The following COP1 variants were observed in gnomAD, a reference collection of about 807,000 sequenced individuals.
COP1 encodes the protein E3 ubiquitin-protein ligase COP1.
A neutral mutation model predicts 101.3 loss-of-function variants in COP1; 24 were observed. That is an observed-to-expected ratio of 0.24 (90% CI 0.17 to 0.33). The LOEUF (loss-of-function observed/expected upper bound fraction) is 0.33. Among genes scored for constraint, COP1 ranks in the 10% least tolerant of loss-of-function variants. The pLI, the probability that COP1 is intolerant of heterozygous loss-of-function variation, is 1.00. For missense variants in COP1, 663 were observed against 906.2 expected (o/e 0.73, Z 3.45); for synonymous variants, 347 against 341.9 (o/e 1.01, Z -0.17).
At chr1:176,110,253 A>T (rs1685051625) in intron 9 of COP1, among the ~76,000 whole-genome samples, 1 of 152,244 alleles carries the variant, frequency 6.6e-6, no homozygotes, top group African/African-American at 2.4e-5. Context: ...AGCCATGCTT[A>T]ACTCATTTCA....
intron 15 of COP1, among the ~76,000 whole-genome samples, chr1:176,008,594 GC>G (rs1053652145): frequency 4.6e-5 from 7 of 151,970 alleles, no homozygotes; most frequent in African/African-American, 1.7e-4. Flanking sequence ...AAGCCCTATA[GC>G]TAGGATAATT....
chr1:176,040,433 CCA>C (rs1266279493), intron 14 of COP1, among the ~76,000 whole-genome samples: 2 of 151,954 alleles, frequency 1.3e-5, no homozygotes, highest in Non-Finnish European at 2.9e-5. Context: ...TCCTCCTGCC[CCA>C]GTTTCCCAAG....
At chr1:175,992,601 A>G (rs1658864290) in intron 15 of COP1, among the ~76,000 whole-genome samples, 2 of 152,326 alleles carry the variant, frequency 1.3e-5, no homozygotes, top group South Asian at 4.1e-4. Flanking sequence ...TATATCCCGC[A>G]CCTGGCTCGG....
rs539248169 is a variant in COP1, at chr1:176,043,860, A to G, written c.1422-42T>C. The stretch of plus-strand genomic sequence containing the variant: ...TAAAAGTTACTTTACATAAAAATAA[A>G]TAACAATGGGATAAAAATAATTTTA... On this transcript the variant is annotated intron_variant, in intron 12 of 19. Coordinates refer to ENST00000367669, the MANE Select transcript of COP1 (RefSeq NM_022457.7). 13 of 1,096,004 alleles carry G rather than the reference A, an allele frequency of 1.2e-5. 1 individual carries two copies. In the Admixed American group the frequency reaches 2.0e-4, roughly 17 times the overall value. The allele number at this position is 1,096,004 out of a possible 1,614,324, so 67.9% of individuals were successfully genotyped here.
chr1:176,053,533 T>C (rs1365403052), intron 11 of COP1, among the ~76,000 whole-genome samples: 5 of 152,224 alleles, frequency 3.3e-5, no homozygotes, highest in Non-Finnish European at 4.4e-5. Context: ...ATCAGTTTTC[T>C]TGACTTCCTC....
At chr1:176,032,051 T>C (rs1346769102) in intron 14 of COP1, among the ~76,000 whole-genome samples, 2 of 152,180 alleles carry the variant, frequency 1.3e-5, no homozygotes, top group African/African-American at 4.8e-5. Context: ...TAAGAAAGAA[T>C]TCATTACCAA....
chr1:176,121,409 C>T (rs1341576055), intron 8 of COP1, among the ~76,000 whole-genome samples: 1 of 152,050 alleles, frequency 6.6e-6, no homozygotes, highest in Non-Finnish European at 1.5e-5. Context: ...AATATATCAC[C>T]CAAAATCTAT....
At chr1:176,170,412 T>C (rs944076612) in intron 3 of COP1, among the ~76,000 whole-genome samples, 1 of 152,244 alleles carries the variant, frequency 6.6e-6, no homozygotes, top group African/African-American at 2.4e-5. Context: ...CCTTGATTTA[T>C]GGGCTACAGA....
chr1:175,997,559 A>G (rs1483027686), intron 15 of COP1, among the ~76,000 whole-genome samples: 1 of 151,548 alleles, frequency 6.6e-6, no homozygotes, highest in African/African-American at 2.4e-5. Context: ...CAAGAAAAAA[A>G]CAAACAACCC....
intron 6 of COP1, among the ~76,000 whole-genome samples, chr1:176,137,654 C>T (rs1345790762): frequency 6.6e-6 from 1 of 152,122 alleles, no homozygotes. Context: ...TTAAGGTAGG[C>T]TTATTGTTCC....
At chr1:176,161,064 A>G (rs1444078567) in intron 5 of COP1, among the ~76,000 whole-genome samples, 1 of 152,180 alleles carries the variant, frequency 6.6e-6, no homozygotes, top group Non-Finnish European at 1.5e-5. Context: ...GCTCCACAAT[A>G]TAAATAGGGT....
At chr1:176,107,503 T>C (rs985343487) in intron 9 of COP1, among the ~76,000 whole-genome samples, 1 of 152,096 alleles carries the variant, frequency 6.6e-6, no homozygotes, top group Non-Finnish European at 1.5e-5. Flanking sequence ...TACAAGATGA[T>C]TTGAGTTTCA....
intron 18 of COP1, among the ~76,000 whole-genome samples, chr1:175,960,273 G>A (rs555597478): frequency 1.3e-5 from 2 of 152,236 alleles, no homozygotes; most frequent in African/African-American, 4.8e-5. Context: ...AAGCTCTAAC[G>A]CTTCTAGACT....
chr1:176,205,055 G>C (rs756020418), intron 1 of COP1, among the ~76,000 whole-genome samples: 10 of 152,200 alleles, frequency 6.6e-5, no homozygotes, highest in African/African-American at 1.2e-4. Context: ...GAATGACAAT[G>C]ATCGATTCCT....
intron 8 of COP1, among the ~76,000 whole-genome samples, chr1:176,125,770 T>C (rs1177852498): frequency 6.6e-6 from 1 of 152,150 alleles, no homozygotes; most frequent in Non-Finnish European, 1.5e-5. Context: ...AGAATGTCAT[T>C]GGTGTTTTGA....
In COP1 at chr1:175,982,244, T is replaced by C. The variant is rs185336695; in HGVS notation, c.2133+4699A>G. Reference sequence around the variant, plus strand: ...AAAAACATGCACACTCTTTTATTCATTGCATTATTCACAACAGCAAAGATA... The same window carrying C: ...AAAAACATGCACACTCTTTTATTCACTGCATTATTCACAACAGCAAAGATA... On this transcript the variant is annotated intron_variant, in intron 18 of 19. Transcript: ENST00000367669. The C allele has an allele frequency of 1.6e-5, 6 of 377,636 alleles. No homozygotes were observed. In the East Asian group the frequency reaches 4.5e-4, roughly 28 times the overall value. 23.4% of individuals were successfully genotyped at this position (377,636 alleles called of 1,614,324 possible).
At chr1:175,972,199 T>G (rs1653384181) in intron 18 of COP1, among the ~76,000 whole-genome samples, 1 of 152,058 alleles carries the variant, frequency 6.6e-6, no homozygotes, top group Non-Finnish European at 1.5e-5. Context: ...AAGTATAGGG[T>G]TTAGATATTT....
chr1:175,988,164 C>T, intron 17 of COP1, 124 bp downstream of exon 17: 1 of 857,662 alleles, frequency 1.2e-6, no homozygotes, highest in African/African-American at 1.7e-5. Context: ...GGCATCATGT[C>T]TATTATACTA....
intron 15 of COP1, among the ~76,000 whole-genome samples, chr1:175,995,388 T>C (rs553969341): frequency 1.4e-3 from 214 of 151,610 alleles, no homozygotes; most frequent in Non-Finnish European, 2.2e-3. Flanking sequence ...CAAAAAATAA[T>C]TAAAATCAGA....
Sources: allele counts gnomAD v4.1 joint callset (sites outside exome capture counted in the v4.1 genomes callset), GRCh38; gene constraint gnomAD v4.1.1; transcripts MANE v1.5; gene names NCBI Gene and HGNC (gene_info 2026-07-23, HGNC 2026-07-21).